Variants in FRMPD4 observed in about 807,000 individuals in gnomAD.
FRMPD4 encodes the protein FERM and PDZ domain-containing protein 4.
FRMPD4 carries 22 observed loss-of-function variants against 94.1 expected under a neutral mutation model. The ratio of observed to expected loss-of-function variants is 0.23; its 90% CI spans 0.17 to 0.33. The LOEUF (loss-of-function observed/expected upper bound fraction) is 0.33. FRMPD4 is among the 10% of genes least tolerant of loss of function. The pLI is 1.00. For missense variants in FRMPD4, 1,111 were observed against 1,339.9 expected, an observed-to-expected ratio of 0.83 and a Z score of 2.67; for synonymous variants, 631 against 548.6, an observed-to-expected ratio of 1.15 and a Z score of -2.10.
intron 3 of FRMPD4, among the ~76,000 whole-genome samples, chrX:11,895,264 G>T (rs1324492148): frequency 9.0e-6 from 1 of 111,509 alleles, no homozygotes; most frequent in Non-Finnish European, 1.9e-5. Context: ...AAGTTACAAC[G>T]CCATCAAGTT....
intron 2 of FRMPD4, among the ~76,000 whole-genome samples, chrX:11,871,006 C>T (rs765032949): frequency 8.9e-6 from 1 of 112,515 alleles, no homozygotes; most frequent in South Asian, 3.7e-4. Context: ...TCCCTAGGTA[C>T]TCACCATCTC....
At chrX:12,372,359 C>G (rs1482137632) in intron 1 of FRMPD4, among the ~76,000 whole-genome samples, 1 of 113,172 alleles carries the variant, frequency 8.8e-6, no homozygotes, top group Non-Finnish European at 1.9e-5. Flanking sequence ...ACCCAGGTCA[C>G]ATTCCAGACC....
chrX:12,705,110 A>G (rs935552227), intron 11 of FRMPD4, among the ~76,000 whole-genome samples: 1 of 112,253 alleles, frequency 8.9e-6, no homozygotes, highest in Middle Eastern at 4.6e-3. Flanking sequence ...ACCCCTATTG[A>G]CAAACAATGG....
intron 1 of FRMPD4, among the ~76,000 whole-genome samples, chrX:12,459,056 A>T (rs1167810199): frequency 1.8e-5 from 2 of 111,805 alleles, no homozygotes; most frequent in Non-Finnish European, 3.8e-5. Context: ...TTTGGAAAAG[A>T]TCTATCACAG....
chrX:12,073,285 T>C (rs2054985169), intron 3 of FRMPD4, among the ~76,000 whole-genome samples: 2 of 111,383 alleles, frequency 1.8e-5, no homozygotes, highest in Non-Finnish European at 3.8e-5. Context: ...AAATAGTAAA[T>C]ACATTCAGCT....
At chrX:12,375,830 T>C (rs765138317) in intron 1 of FRMPD4, among the ~76,000 whole-genome samples, 2 of 112,103 alleles carry the variant, frequency 1.8e-5, no homozygotes, top group East Asian at 5.6e-4. Context: ...GGCCCAGCCA[T>C]CCGTAGTTGC....
In FRMPD4 at chrX:12,683,253, A is replaced by G. The variant is rs528489774; in HGVS notation, c.469-230A>G. Among the ~76,000 whole-genome samples, 25 of 112,261 alleles carry G rather than the reference A, an allele frequency of 2.2e-4. No individual in the cohort carries two copies. In the South Asian group the frequency reaches 8.7e-3, roughly 39 times the overall value. ...CCCTGGAAATGTGCTCAGTTAAAACATGGAACATAGTGGTGGTAGTTCTGA... is the reference window on the plus strand; with the variant it reads ...CCCTGGAAATGTGCTCAGTTAAAACGTGGAACATAGTGGTGGTAGTTCTGA... On this transcript the variant is annotated intron_variant, in intron 5 of 16. Transcript: ENST00000675598.
At chrX:12,132,624 C>G (rs6640905) in intron 3 of FRMPD4, among the ~76,000 whole-genome samples, 1 of 110,579 alleles carries the variant, frequency 9.0e-6, no homozygotes, top group Non-Finnish European at 1.9e-5. Context: ...ATAAAAAAGA[C>G]ATTGAGAAGA....
In FRMPD4 at chrX:12,182,577, A is replaced by AT. The variant is rs1569182706; in HGVS notation, c.41+43565_41+43566insT. On this transcript the variant is annotated intron_variant, in intron 1 of 16. Transcript: ENST00000675598. ...GAGGGGGAAAATAAATAAATAAATA[A>AT]ATATATATATATATGTCATCACTTT... Among the ~76,000 whole-genome samples the AT allele has an allele frequency of 2.6e-4, 28 of 107,170 alleles. No individual in the cohort carries two copies. The East Asian group carries it at 5.7e-3, about 22-fold the overall frequency. The allele number at this position is 107,170 out of a possible 115,157, so 93.1% of individuals were successfully genotyped here.
chrX:12,506,013 G>A (rs768955735), intron 2 of FRMPD4, among the ~76,000 whole-genome samples: 2 of 111,850 alleles, frequency 1.8e-5, no homozygotes, highest in South Asian at 3.8e-4. Flanking sequence ...TTTGCTGCAC[G>A]GAGCATGCCC....
intron 2 of FRMPD4, among the ~76,000 whole-genome samples, chrX:12,585,053 G>C: frequency 9.0e-6 from 1 of 111,118 alleles, no homozygotes; most frequent in Admixed American, 9.5e-5. Context: ...CAGTAGCTGG[G>C]ATTACAGGTG....
chrX:12,529,676 T>C (rs941118697), intron 2 of FRMPD4, among the ~76,000 whole-genome samples: 3 of 112,224 alleles, frequency 2.7e-5, no homozygotes, highest in African/African-American at 6.5e-5. Context: ...GAAAATCTTA[T>C]AGTAGAGGCA....
chrX:11,856,022 C>T (rs988553248), intron 1 of FRMPD4, among the ~76,000 whole-genome samples: 5 of 112,095 alleles, frequency 4.5e-5, no homozygotes, highest in African/African-American at 1.6e-4. Flanking sequence ...TACAATTCCA[C>T]ACAGCTGGGA....
intron 1 of FRMPD4, among the ~76,000 whole-genome samples, chrX:11,832,504 C>G (rs1474982932): frequency 1.8e-5 from 2 of 111,079 alleles, no homozygotes; most frequent in Non-Finnish European, 3.8e-5. Flanking sequence ...TTTAAAATAC[C>G]TTTCTGTCCT....
chrX:12,668,300 G>A (rs1276134021), intron 4 of FRMPD4, among the ~76,000 whole-genome samples: 3 of 110,377 alleles, frequency 2.7e-5, no homozygotes, highest in African/African-American at 9.9e-5. Context: ...AATTATAGAC[G>A]AGAAAAAAAG....
intron 1 of FRMPD4, among the ~76,000 whole-genome samples, chrX:11,830,527 T>A (rs1397197358): frequency 8.9e-6 from 1 of 112,202 alleles, no homozygotes; most frequent in East Asian, 2.8e-4. Context: ...ACTTTTTGAA[T>A]CTGAGTTTGA....
In FRMPD4 at chrX:12,710,442, C is replaced by T. The variant is rs1377432626; in HGVS notation, c.1514C>T (p.Ala505Val). The change falls in exon 14 of 17, where the codon GCC becomes GTC. Residue 505 changes from alanine (A) to valine (V), a missense_variant. By Grantham distance (64) the Ala-to-Val change is moderately conservative (BLOSUM62 0). Coordinates refer to ENST00000675598, the MANE Select transcript of FRMPD4 (RefSeq NM_001368397.1). ...GAATCCTCAGATGCCATGAACCTGG[C>T]CTGCTTGACGGCTGGATACTACCGG... ...LMESSDAMNL[A>V]CLTAGYYRLL... 1.7e-6 allele frequency: 2 copies of T among 1,199,837 alleles called. No individual in the cohort carries two copies. The highest frequency in any genetic ancestry group is 2.2e-5 in the Admixed American group (1 of 45,949).
At chrX:12,070,430 T>C (rs1174808509) in intron 3 of FRMPD4, among the ~76,000 whole-genome samples, 1 of 112,164 alleles carries the variant, frequency 8.9e-6, no homozygotes, top group African/African-American at 3.2e-5. Context: ...TTTTAAAGTC[T>C]GGGCTTTCAT....
At chrX:12,642,398 C>T in intron 4 of FRMPD4, among the ~76,000 whole-genome samples, 1 of 111,576 alleles carries the variant, frequency 9.0e-6, no homozygotes, top group Non-Finnish European at 1.9e-5. Flanking sequence ...AGGCAAAGAG[C>T]GGGAGGAGAG....
Sources: allele counts gnomAD v4.1 joint callset (sites outside exome capture counted in the v4.1 genomes callset), GRCh38; gene constraint gnomAD v4.1.1; transcripts MANE v1.5; gene names NCBI Gene and HGNC (gene_info 2026-07-23, HGNC 2026-07-21).